UGT8: variants seen among roughly 807,000 people sequenced by gnomAD.
UGT8 encodes 2-hydroxyacylsphingosine 1-beta-galactosyltransferase.
A neutral mutation model predicts 40.5 loss-of-function variants in UGT8; 12 were observed. The ratio of observed to expected loss-of-function variants is 0.30; its 90% CI spans 0.19 to 0.48. UGT8 has a LOEUF of 0.48. UGT8 is among the 20% of genes least tolerant of loss of function. The probability of loss-of-function intolerance (pLI) is 0.99; values close to 1 mark genes in which losing one functional copy is unlikely to be tolerated. For synonymous variants in UGT8, 224 were observed against 240.4 expected, an observed-to-expected ratio of 0.93 and a Z score of 0.63; for missense variants, 513 against 648.7, an observed-to-expected ratio of 0.79 and a Z score of 2.27.
chr4:114,637,085 T>C (rs6533803), intron 2 of UGT8, among the ~76,000 whole-genome samples: 27,063 of 152,110 alleles, frequency 0.18, 2,605 homozygotes, highest in Middle Eastern at 0.22. Flanking sequence ...ATAATCTGGT[T>C]AGTAAAAGTC....
chr4:114,676,013 A>G lies in UGT8; in HGVS notation c.1351A>G (p.Ile451Val). The stretch of plus-strand genomic sequence containing the variant: ...TCGAACTATCTATTGGATAGATTAT[A>G]TTATTCGTCACAATGGAGCCCATCA... ...VNRTIYWIDY[I>V]IRHNGAHHLR... The change falls in exon 6 of 6, where the codon ATT (isoleucine) becomes GTT (valine). Residue 451 changes from isoleucine to valine, a missense_variant. This residue lies in a region of UGT8 where 175 missense variants were observed against 186.7 expected (regional missense o/e 0.94). Transcript: ENST00000310836. The G allele has an allele frequency of 6.2e-7, 1 of 1,614,176 alleles. No individual in the cohort carries two copies. Among genetic ancestry groups the G allele is most frequent in the South Asian group, 1.1e-5 (1 of 91,086 alleles).
At chr4:114,663,056 C>G (rs998126454) in intron 2 of UGT8, among the ~76,000 whole-genome samples, 14 of 151,866 alleles carry the variant, frequency 9.2e-5, no homozygotes, top group African/African-American at 3.4e-4. Context: ...ATCTCCTGAC[C>G]TCATGATGCA....
chr4:114,678,215 T>C lies in UGT8; in HGVS notation c.*1927T>C, dbSNP rs1735768478. 1 of 152,174 alleles carries C rather than the reference T, an allele frequency of 6.6e-6. No individual in the cohort carries two copies. 9.4% of individuals were successfully genotyped at this position (152,174 alleles called of 1,614,324 possible). On this transcript the variant is annotated 3_prime_UTR_variant, in exon 6 of 6. Transcript: ENST00000310836. ...ATAAAAACTTAAATAATAAACATGA[T>C]TTAAAATAGAGAAGTGTTGTTGGAA...
At chr4:114,608,857 A>G (rs2126086729) in intron 1 of UGT8, among the ~76,000 whole-genome samples, 1 of 152,318 alleles carries the variant, frequency 6.6e-6, no homozygotes, top group African/African-American at 2.4e-5. Flanking sequence ...GGAGAAAATA[A>G]TGATTATATG....
rs571379954 is a variant in UGT8, at chr4:114,656,369, T to C, written c.823-7626T>C. Among the ~76,000 whole-genome samples the C allele has an allele frequency of 8.5e-4, 129 of 152,290 alleles. 1 individual carries two copies. Among genetic ancestry groups the C allele is most frequent in the African/African-American group, 3.0e-3 (126 of 41,562 alleles). Reference sequence around the variant, plus strand: ...TTTTGTTTATGTAGGTCACATAATTTAGTAGCTAAGCTTGATTTTTGAAAG... The same window carrying C: ...TTTTGTTTATGTAGGTCACATAATTCAGTAGCTAAGCTTGATTTTTGAAAG... On this transcript the variant is annotated intron_variant, in intron 2 of 5. Transcript: ENST00000310836.
chr4:114,664,139 T>A lies in UGT8; in HGVS notation c.965+2T>A. 1 of 1,613,318 alleles carries A rather than the reference T, an allele frequency of 6.2e-7. No individual in the cohort carries two copies. Among genetic ancestry groups the A allele is most frequent in the Non-Finnish European group, 8.5e-7 (1 of 1,179,816 alleles). On this transcript the variant is annotated splice_donor_variant, in intron 3 of 5. Coordinates refer to ENST00000310836, the MANE Select transcript of UGT8 (RefSeq NM_001128174.3). LOFTEE classifies it high-confidence loss of function. ...ATTGCCTCAAAAAGTGATTTGGAGG[T>A]AAGGTAATAATGTAGATTGTTTCTT...
At chr4:114,609,856 T>C (rs1262350178) in intron 1 of UGT8, among the ~76,000 whole-genome samples, 1 of 152,196 alleles carries the variant, frequency 6.6e-6, no homozygotes, top group Non-Finnish European at 1.5e-5. Context: ...ACCAGACATG[T>C]TGATTTCCTG....
chr4:114,645,036 GT>G (rs1733478226), intron 2 of UGT8, among the ~76,000 whole-genome samples: 1 of 36,316 alleles, frequency 2.8e-5, no homozygotes, highest in Non-Finnish European at 1.3e-4. Flanking sequence ...TACACATGCA[GT>G]TCACAGACAG....
intron 1 of UGT8, among the ~76,000 whole-genome samples, chr4:114,603,147 G>C (rs1362033434): frequency 1.3e-5 from 2 of 152,128 alleles, no homozygotes; most frequent in African/African-American, 4.8e-5. Flanking sequence ...GGTATAGGAG[G>C]ATGGGATGGG....
chr4:114,614,298 C>G (rs958940057), intron 1 of UGT8, among the ~76,000 whole-genome samples: 34 of 152,210 alleles, frequency 2.2e-4, no homozygotes, highest in African/African-American at 7.9e-4. Context: ...CATGAATGTT[C>G]CAGGTGCAAA....
At chr4:114,667,599 T>C (rs988027892) in intron 4 of UGT8, among the ~76,000 whole-genome samples, 1 of 152,210 alleles carries the variant, frequency 6.6e-6, no homozygotes, top group Non-Finnish European at 1.5e-5. Context: ...TTGTGAATAG[T>C]GATTACAACA....
At chr4:114,616,892 A>G (rs1202385965) in intron 1 of UGT8, among the ~76,000 whole-genome samples, 1 of 152,164 alleles carries the variant, frequency 6.6e-6, no homozygotes, top group African/African-American at 2.4e-5. Flanking sequence ...TATATGAACC[A>G]TTGATACCTA....
chr4:114,623,432 C>T lies in UGT8; in HGVS notation c.552C>T (p.Leu184=). The change falls in exon 2 of 6, where the codon CTC becomes CTT. Residue 184 remains leucine, a synonymous_variant. Transcript: ENST00000310836. ...ACGTCCCAGAGTTTAACTCACTCCT[C>T]ACAGACCGCATGAACTTGCTGCAAA... is the stretch of plus-strand genomic sequence containing the variant. ...LAYVPEFNSL[L]TDRMNLLQRM... is the part of the protein sequence containing the mutation. 1 of 1,614,208 alleles carries T rather than the reference C, an allele frequency of 6.2e-7. No homozygotes were observed. Among genetic ancestry groups the T allele is most frequent in the Non-Finnish European group, 8.5e-7 (1 of 1,180,030 alleles).
Position 114,676,789 on chromosome 4 carries a change from A to T in UGT8, c.*501A>T, listed in dbSNP as rs933012283. The stretch of plus-strand genomic sequence containing the variant: ...GTCAGGATCCAGATGTTTCTTTTCT[A>T]GCATTTAATGTGTGTGAACTCAGAA... On this transcript the variant is annotated 3_prime_UTR_variant, in exon 6 of 6. Transcript: ENST00000310836. 1.3e-5 allele frequency: 2 copies of T among 152,050 alleles called. No individual in the cohort carries two copies. The highest frequency in any genetic ancestry group is 2.1e-4 in the South Asian group (1 of 4,812). 9.4% of individuals were successfully genotyped at this position (152,050 alleles called of 1,614,324 possible). A position where few individuals can be genotyped will look rare whatever the true frequency, so the allele number is the denominator to read the frequency against.
At chr4:114,640,033 GTTT>G (rs5861187) in intron 2 of UGT8, among the ~76,000 whole-genome samples, 8 of 139,244 alleles carry the variant, frequency 5.7e-5, no homozygotes, top group African/African-American at 1.9e-4. Context: ...ATGTTTGTTT[GTTT>G]TTTTTTTTTT....
At chr4:114,637,901 T>G (rs561668063) in intron 2 of UGT8, among the ~76,000 whole-genome samples, 1 of 152,330 alleles carries the variant, frequency 6.6e-6, no homozygotes, top group Non-Finnish European at 1.5e-5. Context: ...GCCCACTTTA[T>G]TCATTTGCAA....
intron 5 of UGT8, among the ~76,000 whole-genome samples, chr4:114,672,572 A>G (rs1735361375): frequency 6.6e-6 from 1 of 152,076 alleles, no homozygotes; most frequent in African/African-American, 2.4e-5. Flanking sequence ...GGAACAGAAA[A>G]CCAAATACTG....
At chr4:114,603,842 C>T (rs548604368) in intron 1 of UGT8, among the ~76,000 whole-genome samples, 183 of 152,266 alleles carry the variant, frequency 1.2e-3, no homozygotes, top group African/African-American at 4.3e-3. Flanking sequence ...TTTATGGAAA[C>T]CAGGACTTGG....
intron 2 of UGT8, among the ~76,000 whole-genome samples, chr4:114,635,028 C>CTGTTT (rs374836082): frequency 4.2e-5 from 6 of 141,574 alleles, no homozygotes; most frequent in African/African-American, 1.6e-4. Flanking sequence ...ACTAGTGAAG[C>CTGTTT]TTTTTTTTTT....
Sources: gnomAD v4.1 joint callset for allele counts (sites outside exome capture counted in the v4.1 genomes callset) on GRCh38, gnomAD v4.1.1 for gene constraint, gnomAD v4.1.1 regional missense constraint, MANE v1.5 for transcripts, NCBI Gene and HGNC (gene_info 2026-07-23, HGNC 2026-07-21) for gene names.